GLIPR1: variants seen among roughly 807,000 people sequenced by gnomAD.
GLIPR1 encodes the protein GLI pathogenesis related 1, also known as glioma pathogenesis-related protein 1.
Under a neutral mutation model 30.3 loss-of-function variants are expected in GLIPR1, and 38 were observed. The observed-to-expected ratio is 1.26, with a 90% CI of 0.97 to 1.65. The LOEUF (loss-of-function observed/expected upper bound fraction) is 1.65, where lower values mean the gene tolerates loss of function less well. Ranked by LOEUF, GLIPR1 falls within the 40% of genes most tolerant of loss-of-function variation. The pLI, the probability that GLIPR1 is intolerant of heterozygous loss-of-function variation, is 0.00. For missense variants in GLIPR1, 285 were observed against 326.5 expected (o/e 0.87, Z 0.98); for synonymous variants, 122 against 110.6 (o/e 1.10, Z -0.65).
intron 2 of GLIPR1, among the ~76,000 whole-genome samples, chr12:75,489,135 G>A (rs1459994537): frequency 6.6e-6 from 1 of 152,096 alleles, no homozygotes; most frequent in Admixed American, 6.6e-5. Context: ...TTGAATTTGT[G>A]GAGCCCATTG....
intron 3 of GLIPR1, chr12:75,491,189 A>C (rs940216744): frequency 1.3e-5 from 2 of 152,240 alleles, no homozygotes; most frequent in African/African-American, 2.4e-5. Context: ...TGTTTATATA[A>C]TGCTTACAAT....
chr12:75,490,953 C>G (rs556798910), intron 3 of GLIPR1: 7 of 153,912 alleles, frequency 4.5e-5, no homozygotes, highest in African/African-American at 1.7e-4. Context: ...ATTTCATTTA[C>G]TTTTGACAGT....
intron 4 of GLIPR1, chr12:75,496,749 A>C (rs2046354073): frequency 6.6e-6 from 1 of 152,174 alleles, no homozygotes; most frequent in Non-Finnish European, 1.5e-5. Flanking sequence ...TTTGGAAAAA[A>C]GTGTTCCATT....
chr12:75,483,087 CGTGGTGCTACA>C (rs1371229854), intron 2 of GLIPR1, among the ~76,000 whole-genome samples: 1 of 131,884 alleles, frequency 7.6e-6, no homozygotes, highest in Non-Finnish European at 1.8e-5. Flanking sequence ...TGATCTCATT[CGTGGTGCTACA>C]GATGAACCAA....
At chr12:75,487,806 C>T (rs1002395401) in intron 2 of GLIPR1, 2 of 456,112 alleles carry the variant, frequency 4.4e-6, no homozygotes, top group African/African-American at 4.0e-5. Flanking sequence ...CGAGAAAATC[C>T]AGGGTGAGTC....
chr12:75,498,297 T>C (rs2046364123), intron 4 of GLIPR1: 1 of 157,016 alleles, frequency 6.4e-6, no homozygotes, highest in African/African-American at 2.5e-5. Flanking sequence ...TCACTGTCTT[T>C]TCACTATGGA....
chr12:75,497,020 T>C (rs550809777), intron 4 of GLIPR1: 6 of 152,320 alleles, frequency 3.9e-5, no homozygotes, highest in Non-Finnish European at 5.9e-5. Context: ...TTCCTTTCAC[T>C]CACTCTTCAC....
rs117186798 is a variant in GLIPR1, at chr12:75,481,744, T to G, written c.175-90T>G. 6,561 of 1,199,282 alleles carry G rather than the reference T, an allele frequency of 5.5e-3. 36 individuals are homozygous for G. The highest frequency in any genetic ancestry group is 7.0e-3 in the Non-Finnish European group (5,710 of 821,172). 74.3% of individuals were successfully genotyped at this position (1,199,282 alleles called of 1,614,324 possible). ...TATGCAGTGGTATCTTCTCTCCTTA[T>G]CTCACCTCGTTTTCCATTCAAATTC... On this transcript the variant is annotated intron_variant, in intron 1 of 5. Transcript: ENST00000266659.
At chr12:75,483,381 GC>G (rs1245836969) in intron 2 of GLIPR1, 1 of 152,122 alleles carries the variant, frequency 6.6e-6, no homozygotes, top group African/African-American at 2.4e-5. Flanking sequence ...CAGTGTTTAA[GC>G]TTTTACCCTA....
Position 75,501,727 on chromosome 12 carries a change from CT to C in GLIPR1, c.*2751del. ...TTACATCATAGAAAGCATTACCTTC[CT>C]TAGGTTTCACAATTGGTTTTTCCTT... is the stretch of plus-strand genomic sequence containing the variant. On this transcript the variant is annotated 3_prime_UTR_variant, in exon 6 of 6. Transcript: ENST00000266659. 6.3e-7 allele frequency: 1 copy of C among 1,597,440 alleles called. No individual in the cohort carries two copies.
Position 75,482,044 on chromosome 12 carries a change from C to G in GLIPR1, c.385C>G (p.Arg129Gly), listed in dbSNP as rs963526341. 1.9e-6 allele frequency: 3 copies of G among 1,613,572 alleles called. No individual in the cohort carries two copies. Among genetic ancestry groups the G allele is most frequent in the Admixed American group, 3.3e-5 (2 of 60,010 alleles). The stretch of plus-strand genomic sequence containing the variant: ...AATCCAGGACTATGACTTCAAGACT[C>G]GGATATGCAAAAAAGTCTGTGGCCA... ...DEIQDYDFKT[R>G]ICKKVCGHYT... Residue 129 changes from arginine to glycine, a missense_variant, in exon 2 of 6, where the codon CGG (arginine) becomes GGG (glycine). Coordinates refer to ENST00000266659, the MANE Select transcript of GLIPR1 (RefSeq NM_006851.3).
chr12:75,482,471 G>A (rs749617876), intron 2 of GLIPR1, among the ~76,000 whole-genome samples: 8 of 152,154 alleles, frequency 5.3e-5, no homozygotes, highest in Non-Finnish European at 1.0e-4. Context: ...AAGACTCTCA[G>A]ACAGAAACAT....
chr12:75,481,796 C>T (rs1909979), intron 1 of GLIPR1, 38 bp from the exon 2 acceptor site: 607,535 of 1,596,644 alleles, frequency 0.38, 118,985 homozygotes, highest in East Asian at 0.46. Flanking sequence ...AGTTACATTT[C>T]AGATGAACCC....
At position 75,498,933 on chromosome 12, in the gene GLIPR1, C is replaced by A. The variant is rs2046370408; in HGVS notation, c.756C>A (p.Thr252=). Residue 252 remains threonine, a synonymous_variant, in exon 6 of 6, where the codon ACC becomes ACA. Coordinates refer to ENST00000266659, the MANE Select transcript of GLIPR1 (RefSeq NM_006851.3). ...SVILILSVII[T]ILVQHKYPNL... Reference sequence around the variant, plus strand: ...TTCTAATACTGTCTGTTATAATTACCATTTTGGTACAGCACAAGTACCCTA... The same window carrying A: ...TTCTAATACTGTCTGTTATAATTACAATTTTGGTACAGCACAAGTACCCTA... The A allele has an allele frequency of 5.0e-6, 8 of 1,608,412 alleles. No individual in the cohort carries two copies. In the East Asian group the frequency reaches 1.8e-4, roughly 36 times the overall value.
intron 2 of GLIPR1, among the ~76,000 whole-genome samples, chr12:75,488,053 A>C (rs775936816): frequency 6.6e-6 from 1 of 152,082 alleles, no homozygotes; most frequent in Non-Finnish European, 1.5e-5. Context: ...AGGACACCAG[A>C]GTCACACTCA....
Position 75,501,926 on chromosome 12 carries a change from T to C in GLIPR1, c.*2948T>C, listed in dbSNP as rs1362010247. The C allele has an allele frequency of 6.8e-6, 11 of 1,612,562 alleles. No individual in the cohort carries two copies. Among genetic ancestry groups the C allele is most frequent in the Non-Finnish European group, 8.5e-6 (10 of 1,178,982 alleles). On this transcript the variant is annotated 3_prime_UTR_variant, in exon 6 of 6. Coordinates refer to ENST00000266659, the MANE Select transcript of GLIPR1 (RefSeq NM_006851.3). ...AGCCAGACATAAAGTGCCGTACCTT[T>C]ATTGCTTCCATTTTCTGCCGCTTCT... is the stretch of plus-strand genomic sequence containing the variant.
chr12:75,483,365 A>G (rs1369688459), intron 2 of GLIPR1: 1 of 152,140 alleles, frequency 6.6e-6, no homozygotes, highest in Non-Finnish European at 1.5e-5. Context: ...TCATTTATTT[A>G]TTAGTCAGTG....
In GLIPR1 at chr12:75,486,574, C is replaced by T. The variant is rs528768324; in HGVS notation, c.421-3832C>T. Reference sequence around the variant, plus strand: ...CAAAGCCCACAAGTTTAACCAAAAACCAGAGTGCCCATGAAGCTTTTAAAA... The same window carrying T: ...CAAAGCCCACAAGTTTAACCAAAAATCAGAGTGCCCATGAAGCTTTTAAAA... On this transcript the variant is annotated intron_variant, in intron 2 of 5. Coordinates refer to ENST00000266659, the MANE Select transcript of GLIPR1 (RefSeq NM_006851.3). 5.8e-4 allele frequency among the ~76,000 whole-genome samples: 88 copies of T among 152,222 alleles called. 2 individuals are homozygous for T. In the South Asian group the frequency reaches 0.018, roughly 31 times the overall value.
chr12:75,483,974 G>C (rs1261987036), intron 2 of GLIPR1: 3 of 145,240 alleles, frequency 2.1e-5, no homozygotes, highest in Non-Finnish European at 4.7e-5. Context: ...GAAATCGAAA[G>C]AAGAGAACAT....
Sources: gnomAD v4.1 joint callset for allele counts (sites outside exome capture counted in the v4.1 genomes callset) on GRCh38, gnomAD v4.1.1 for gene constraint, MANE v1.5 for transcripts, NCBI Gene and HGNC (gene_info 2026-07-23, HGNC 2026-07-21) for gene names.